QTMAN: variants seen among roughly 807,000 people sequenced by gnomAD.
The protein encoded by QTMAN is queuosine-tRNA mannosyltransferase.
At chr2:143,979,151 T>C in the QTMAN span, among the ~76,000 whole-genome samples, 1 of 150,742 alleles carries the variant, frequency 6.6e-6, no homozygotes, top group African/African-American at 2.4e-5. Context: ...TACAGTAATG[T>C]AACAGAATTA....
chr2:144,255,368 C>G, the QTMAN span, among the ~76,000 whole-genome samples: 1 of 152,092 alleles, frequency 6.6e-6, no homozygotes, highest in Admixed American at 6.6e-5. Flanking sequence ...TTATAAGGAG[C>G]TTTTCCCCCT....
the QTMAN span, among the ~76,000 whole-genome samples, chr2:143,983,195 CA>C: frequency 2.0e-5 from 3 of 152,068 alleles, no homozygotes; most frequent in Admixed American, 6.5e-5. Flanking sequence ...TCATCTGTAG[CA>C]ATCTAATAAC....
At chr2:144,019,435 G>GGC in the QTMAN span, among the ~76,000 whole-genome samples, 1 of 117,224 alleles carries the variant, frequency 8.5e-6, no homozygotes, top group Non-Finnish European at 1.8e-5. Flanking sequence ...TAAGCATGCA[G>GGC]GTGTGTGTGT....
the QTMAN span, among the ~76,000 whole-genome samples, chr2:144,083,147 C>T: frequency 1.3e-5 from 2 of 152,190 alleles, no homozygotes; most frequent in African/African-American, 4.8e-5. Context: ...AGACCTATCC[C>T]CACAGACCCA....
chr2:144,288,847 C>T, the QTMAN span, among the ~76,000 whole-genome samples: 1 of 152,144 alleles, frequency 6.6e-6, no homozygotes, highest in East Asian at 1.9e-4. Flanking sequence ...CACTACTACA[C>T]CCCAAGCCCC....
the QTMAN span, chr2:143,970,746 G>A: frequency 6.4e-7 from 1 of 1,563,866 alleles, no homozygotes; most frequent in Non-Finnish European, 8.8e-7. Flanking sequence ...AAGCTTTCTG[G>A]ATCTTTATCA....
chr2:144,279,211 T>A, the QTMAN span, among the ~76,000 whole-genome samples: 2 of 151,986 alleles, frequency 1.3e-5, no homozygotes, highest in Admixed American at 1.3e-4. Context: ...ATTAGGGACA[T>A]CAGATGCACA....
chr2:144,202,190 A>G, the QTMAN span, among the ~76,000 whole-genome samples: 118 of 152,336 alleles, frequency 7.7e-4, no homozygotes, highest in African/African-American at 2.8e-3. Context: ...TGTGACCCCA[A>G]GAAAACAAGA....
At chr2:144,034,890 C>G in the QTMAN span, among the ~76,000 whole-genome samples, 10 of 152,286 alleles carry the variant, frequency 6.6e-5, no homozygotes, top group African/African-American at 2.4e-4. Context: ...AAGGTTTAGT[C>G]TCTCAGGCAG....
chr2:144,308,838 T>C, the QTMAN span, among the ~76,000 whole-genome samples: 1 of 151,852 alleles, frequency 6.6e-6, no homozygotes, highest in South Asian at 2.1e-4. Flanking sequence ...GTTGATAAAC[T>C]ACACTTACTC....
chr2:143,992,476 T>C, the QTMAN span, among the ~76,000 whole-genome samples: 3 of 150,206 alleles, frequency 2.0e-5, no homozygotes, highest in East Asian at 3.9e-4. Context: ...CCCTCCACTA[T>C]TGTCCTATGA....
At chr2:143,982,679 G>T in the QTMAN span, among the ~76,000 whole-genome samples, 1 of 151,540 alleles carries the variant, frequency 6.6e-6, no homozygotes, top group Admixed American at 6.6e-5. Context: ...TGGCCAACAT[G>T]GTGAAACGCC....
At chr2:144,044,302 T>C in the QTMAN span, among the ~76,000 whole-genome samples, 2 of 152,226 alleles carry the variant, frequency 1.3e-5, no homozygotes, top group African/African-American at 2.4e-5. Flanking sequence ...CATGCAAGCA[T>C]ACTTTTGTAG....
the QTMAN span, among the ~76,000 whole-genome samples, chr2:144,295,508 C>A: frequency 6.6e-6 from 1 of 152,148 alleles, no homozygotes; most frequent in Non-Finnish European, 1.5e-5. Context: ...GTCAACTTGC[C>A]AAAAGATAGT....
the QTMAN span, among the ~76,000 whole-genome samples, chr2:144,175,005 G>C: frequency 6.6e-6 from 1 of 152,126 alleles, no homozygotes; most frequent in African/African-American, 2.4e-5. Flanking sequence ...TAATCCAACT[G>C]GGTAGGGGAC....
chr2:144,179,985 A>T, the QTMAN span, among the ~76,000 whole-genome samples: 1 of 152,194 alleles, frequency 6.6e-6, no homozygotes, highest in Admixed American at 6.6e-5. Flanking sequence ...TTGGGAAAAT[A>T]ATTTCTTTTA....
At chr2:144,184,066 G>T in the QTMAN span, among the ~76,000 whole-genome samples, 1 of 152,160 alleles carries the variant, frequency 6.6e-6, no homozygotes, top group African/African-American at 2.4e-5. Context: ...CAAAAGCTGG[G>T]ATAAGTTAGA....
chr2:144,018,163 A>T, the QTMAN span, among the ~76,000 whole-genome samples: 1 of 152,172 alleles, frequency 6.6e-6, no homozygotes, highest in Non-Finnish European at 1.5e-5. Flanking sequence ...AAACTGCATA[A>T]ACCAGGAAAA....
the QTMAN span, among the ~76,000 whole-genome samples, chr2:144,222,660 T>C: frequency 1.3e-5 from 2 of 151,644 alleles, no homozygotes. Context: ...CAAAAAAAAT[T>C]AGCCAGGCAT....
Sources: gnomAD v4.1 joint callset for allele counts (sites outside exome capture counted in the v4.1 genomes callset) on GRCh38, gnomAD v4.1.1 for gene constraint, MANE v1.5 for transcripts, NCBI Gene and HGNC (gene_info 2026-07-23, HGNC 2026-07-21) for gene names.